DKK2: variants seen among roughly 807,000 people sequenced by gnomAD.
DKK2 encodes the protein dickkopf Wnt signaling pathway inhibitor 2.
DKK2 carries 11 observed loss-of-function variants against 28.1 expected under a neutral mutation model. The ratio of observed to expected loss-of-function variants is 0.39; its 90% CI spans 0.25 to 0.65. The LOEUF (loss-of-function observed/expected upper bound fraction) is 0.65. Ranked by LOEUF, DKK2 falls within the 30% of genes least tolerant of loss-of-function variation. The probability of loss-of-function intolerance (pLI) is 0.47; values close to 1 mark genes in which losing one functional copy is unlikely to be tolerated. For missense variants in DKK2, 326 were observed against 335.5 expected (o/e 0.97, Z 0.22); for synonymous variants, 135 against 126.5 (o/e 1.07, Z -0.45).
At chr4:106,948,597 G>A (rs899970855) in intron 1 of DKK2, among the ~76,000 whole-genome samples, 1 of 152,126 alleles carries the variant, frequency 6.6e-6, no homozygotes, top group African/African-American at 2.4e-5. Flanking sequence ...AGAATTAAAT[G>A]TCTTTCTAAA....
chr4:106,972,455 C>T (rs890725570), intron 1 of DKK2, among the ~76,000 whole-genome samples: 1 of 151,160 alleles, frequency 6.6e-6, no homozygotes, highest in Non-Finnish European at 1.5e-5. Flanking sequence ...TCTTGACTTC[C>T]TAAGTACAAA....
intron 1 of DKK2, among the ~76,000 whole-genome samples, chr4:106,989,239 T>C (rs1382646217): frequency 1.3e-5 from 2 of 152,188 alleles, no homozygotes; most frequent in South Asian, 2.1e-4. Context: ...CTTTCTCCCA[T>C]AAATTGTGTT....
chr4:106,939,035 C>T (rs1724647164), intron 1 of DKK2, among the ~76,000 whole-genome samples: 1 of 152,006 alleles, frequency 6.6e-6, no homozygotes, highest in Admixed American at 6.6e-5. Flanking sequence ...GGAAGCATTC[C>T]CATTGAAAAC....
rs1724356547 is a variant in DKK2 at position 106,922,235 on chromosome 4, A to G, written c.*1719T>C. On this transcript the variant is annotated 3_prime_UTR_variant, in exon 4 of 4. Coordinates refer to ENST00000285311, the MANE Select transcript of DKK2 (RefSeq NM_014421.3). ...ATTTTTAATAGATATACAGGCTCAA[A>G]CTCAATCTCTACTGGGAGAACTTAA... 1 of 152,164 alleles carries G rather than the reference A, an allele frequency of 6.6e-6. No homozygotes were observed. The highest frequency in any genetic ancestry group is 6.6e-5 in the Admixed American group (1 of 15,248). 9.4% of individuals were successfully genotyped at this position (152,164 alleles called of 1,614,324 possible).
chr4:106,968,178 A>T (rs912261876), intron 1 of DKK2, among the ~76,000 whole-genome samples: 2 of 151,932 alleles, frequency 1.3e-5, no homozygotes, highest in Non-Finnish European at 2.9e-5. Flanking sequence ...TGAATGCAGG[A>T]AGGAATGTAG....
intron 1 of DKK2, among the ~76,000 whole-genome samples, chr4:106,996,319 ACATTTC>A (rs1723272101): frequency 1.3e-5 from 2 of 152,168 alleles, no homozygotes; most frequent in Admixed American, 1.3e-4. Flanking sequence ...ACAAACTGAG[ACATTTC>A]TTGTTTCAAG....
chr4:106,988,642 G>C, intron 1 of DKK2, among the ~76,000 whole-genome samples: 1 of 152,130 alleles, frequency 6.6e-6, no homozygotes, highest in Non-Finnish European at 1.5e-5. Flanking sequence ...AGCAAGAAGG[G>C]AGAAGTGAAG....
chr4:106,951,851 T>A (rs1724865355), intron 1 of DKK2, among the ~76,000 whole-genome samples: 1 of 152,146 alleles, frequency 6.6e-6, no homozygotes, highest in South Asian at 2.1e-4. Context: ...AAAATATGGC[T>A]CCTAAGAAAG....
chr4:106,961,256 T>C (rs1232288610), intron 1 of DKK2, among the ~76,000 whole-genome samples: 2 of 152,156 alleles, frequency 1.3e-5, no homozygotes, highest in East Asian at 3.8e-4. Context: ...TGTTCTAAAA[T>C]TGTAATCCGA....
At chr4:107,027,736 T>G (rs1344828884) in intron 1 of DKK2, among the ~76,000 whole-genome samples, 1 of 151,354 alleles carries the variant, frequency 6.6e-6, no homozygotes, top group Non-Finnish European at 1.5e-5. Context: ...TTGACTTGCT[T>G]ATGACCTCCA....
chr4:106,974,256 GT>G (rs918986213), intron 1 of DKK2, among the ~76,000 whole-genome samples: 6 of 151,950 alleles, frequency 3.9e-5, no homozygotes, highest in African/African-American at 1.2e-4. Context: ...AATTAAGGTA[GT>G]TTTTTTCTAA....
At chr4:106,955,202 G>A (rs1043023949) in intron 1 of DKK2, among the ~76,000 whole-genome samples, 2 of 152,004 alleles carry the variant, frequency 1.3e-5, no homozygotes, top group Non-Finnish European at 2.9e-5. Context: ...ATGTTATAAT[G>A]TTATTTCTTA....
chr4:106,923,991 G>A lies in DKK2; in HGVS notation c.743C>T (p.Ser248Phe). ...ACACACATGGAGTCTGGCTTTGGAGGAGTAGGTGGCATCTTTCCATACTTT... is the reference window on the plus strand; with the variant it reads ...ACACACATGGAGTCTGGCTTTGGAGAAGTAGGTGGCATCTTTCCATACTTT... ...SCKVWKDATY[S>F]SKARLHVCQK... The change falls in exon 4 of 4, where the codon TCC becomes TTC. Residue 248 changes from serine (S) to phenylalanine (F), a missense_variant. Physicochemically the swap from Ser to Phe is radical, Grantham distance 155 (BLOSUM62 -2). Transcript: ENST00000285311. The A allele has an allele frequency of 6.2e-7, 1 of 1,613,848 alleles. No homozygotes were observed.
intron 1 of DKK2, among the ~76,000 whole-genome samples, chr4:106,993,074 T>C (rs1560587840): frequency 6.6e-6 from 1 of 152,242 alleles, no homozygotes; most frequent in Non-Finnish European, 1.5e-5. Flanking sequence ...ACAAGTTTAT[T>C]CATTTCTACT....
At chr4:107,032,903 C>G (rs967178106) in intron 1 of DKK2, among the ~76,000 whole-genome samples, 4 of 151,030 alleles carry the variant, frequency 2.6e-5, no homozygotes, top group African/African-American at 9.9e-5. Flanking sequence ...AACATCTTCC[C>G]TGTAATAGCC....
chr4:106,924,226 G>T, intron 3 of DKK2, 22 bp from the exon 4 acceptor site: 1 of 1,609,036 alleles, frequency 6.2e-7, no homozygotes, highest in Non-Finnish European at 8.5e-7. Context: ...ATGACCAATA[G>T]ATGTTACCCT....
intron 1 of DKK2, among the ~76,000 whole-genome samples, chr4:106,995,987 A>T (rs150819678): frequency 6.6e-6 from 1 of 152,272 alleles, no homozygotes; most frequent in East Asian, 1.9e-4. Flanking sequence ...TTTTTACTCA[A>T]CCAGCTATTT....
chr4:107,000,557 G>T (rs1723344312), intron 1 of DKK2, among the ~76,000 whole-genome samples: 1 of 152,030 alleles, frequency 6.6e-6, no homozygotes, highest in Admixed American at 6.5e-5. Context: ...GTGTTTTTCT[G>T]GTCTGTTATA....
At chr4:106,963,608 A>G (rs1456766417) in intron 1 of DKK2, among the ~76,000 whole-genome samples, 26 of 152,168 alleles carry the variant, frequency 1.7e-4, no homozygotes, top group Admixed American at 1.6e-3. Flanking sequence ...TGTAGCCACT[A>G]TGGAGAACAA....
Sources: gnomAD v4.1 joint callset for allele counts (sites outside exome capture counted in the v4.1 genomes callset) on GRCh38, gnomAD v4.1.1 for gene constraint, MANE v1.5 for transcripts, NCBI Gene and HGNC (gene_info 2026-07-23, HGNC 2026-07-21) for gene names.